The following TMCO1 variants were observed in gnomAD, a reference collection of about 807,000 sequenced individuals.
The protein encoded by TMCO1 is calcium load-activated calcium channel.
In TMCO1, 29 loss-of-function variants were observed where a neutral mutation model predicts 29.3. That is an observed-to-expected ratio of 0.99 (90% CI 0.74 to 1.35). TMCO1 has a LOEUF of 1.35. TMCO1 is among the 40% of genes most tolerant of loss of function. The pLI is 0.00. For synonymous variants in TMCO1, 80 were observed against 77.1 expected (o/e 1.04, Z -0.20); for missense variants, 173 against 225.5 (o/e 0.77, Z 1.49).
chr1:165,732,477 TTCTCTCTCTC>T (rs143135718), intron 6 of TMCO1, among the ~76,000 whole-genome samples: 53 of 144,076 alleles, frequency 3.7e-4, no homozygotes, highest in East Asian at 1.4e-3. Context: ...AGCAAATGGT[TTCTCTCTCTC>T]TCTCTCTCTC....
At chr1:165,760,412 T>C (rs536008898) in intron 2 of TMCO1, among the ~76,000 whole-genome samples, 5 of 141,002 alleles carry the variant, frequency 3.5e-5, no homozygotes, top group Admixed American at 3.0e-4. Flanking sequence ...GTCTGGGCAA[T>C]AGAGCGAGAC....
intron 3 of TMCO1, among the ~76,000 whole-genome samples, chr1:165,756,717 C>T (rs893861563): frequency 5.3e-5 from 8 of 151,914 alleles, no homozygotes; most frequent in East Asian, 1.9e-4. Context: ...TTTGCTTCTC[C>T]GGAACACTGA....
chr1:165,746,512 G>T (rs928351495), intron 5 of TMCO1, among the ~76,000 whole-genome samples: 52 of 138,706 alleles, frequency 3.7e-4, no homozygotes, highest in Non-Finnish European at 1.4e-4. Flanking sequence ...TTATATTGAT[G>T]AACTGCAAAA....
At chr1:165,763,318 T>C (rs1400356914) in intron 2 of TMCO1, among the ~76,000 whole-genome samples, 3 of 152,228 alleles carry the variant, frequency 2.0e-5, no homozygotes, top group Admixed American at 1.3e-4. Context: ...AATATAATAG[T>C]TGTGCATTTG....
intron 2 of TMCO1, 124 bp from the exon 3 acceptor site, chr1:165,759,708 T>C (rs1322222588): frequency 5.1e-6 from 4 of 778,902 alleles, no homozygotes; most frequent in Admixed American, 2.3e-5. Context: ...CTGATTATGG[T>C]CATGATTAAG....
At chr1:165,724,985 T>C (rs1650793604), downstream of TMCO1, 2 of 382,724 alleles carry the variant, frequency 5.2e-6, no homozygotes, top group South Asian at 3.4e-5. Flanking sequence ...TTATTCTCTC[T>C]TTCTCTCTCT....
At chr1:165,724,466 G>A, downstream of TMCO1, 1 of 454,098 alleles carries the variant, frequency 2.2e-6, no homozygotes, top group Non-Finnish European at 4.4e-6. Context: ...AGAGGGCAGA[G>A]AGATGCTGAT....
At chr1:165,767,302 G>A (rs1182988240) in intron 2 of TMCO1, among the ~76,000 whole-genome samples, 1 of 152,160 alleles carries the variant, frequency 6.6e-6, no homozygotes, top group Admixed American at 6.5e-5. Context: ...AAAGAAGAGA[G>A]AAAACTAAAT....
chr1:165,729,014 G>A (rs1218942983), intron 6 of TMCO1, among the ~76,000 whole-genome samples: 2 of 148,242 alleles, frequency 1.3e-5, no homozygotes, highest in Non-Finnish European at 3.0e-5. Context: ...GGTGAGGCAT[G>A]AGAGTCCCTT....
chr1:165,739,286 C>A (rs2101795223), intron 6 of TMCO1, among the ~76,000 whole-genome samples: 1 of 152,246 alleles, frequency 6.6e-6, no homozygotes, highest in Admixed American at 6.5e-5. Flanking sequence ...CCGATCCGCA[C>A]TGAAAATGAG....
intron 3 of TMCO1, among the ~76,000 whole-genome samples, chr1:165,758,995 T>C (rs890124845): frequency 7.9e-5 from 12 of 152,238 alleles, no homozygotes; most frequent in Non-Finnish European, 1.8e-4. Flanking sequence ...ACAAATCATA[T>C]ACAATCCTTT....
chr1:165,763,400 A>AT, intron 2 of TMCO1, among the ~76,000 whole-genome samples: 1 of 152,334 alleles, frequency 6.6e-6, no homozygotes, highest in East Asian at 1.9e-4. Flanking sequence ...AACTAAACAC[A>AT]TAGCAAGCAA....
chr1:165,759,652 C>A, intron 2 of TMCO1, 68 bp from the exon 3 acceptor site: 2 of 1,321,478 alleles, frequency 1.5e-6, no homozygotes, highest in South Asian at 1.2e-5. Flanking sequence ...GATGCTTTAT[C>A]ACAGCTGAAC....
chr1:165,760,330 C>G (rs1273551916), intron 2 of TMCO1, among the ~76,000 whole-genome samples: 1 of 151,566 alleles, frequency 6.6e-6, no homozygotes, highest in African/African-American at 2.4e-5. Flanking sequence ...ACTTGGGAAG[C>G]TGAGGCAGGA....
chr1:165,766,502 T>A (rs1037094161), intron 2 of TMCO1, among the ~76,000 whole-genome samples: 2 of 152,152 alleles, frequency 1.3e-5, no homozygotes, highest in Non-Finnish European at 2.9e-5. Context: ...GAATGATCAG[T>A]AAGGGCTGGG....
At chr1:165,744,595 C>G (rs1415291388) in intron 5 of TMCO1, among the ~76,000 whole-genome samples, 2 of 151,926 alleles carry the variant, frequency 1.3e-5, no homozygotes, top group Admixed American at 6.6e-5. Context: ...AGTTCGAGAC[C>G]AGCTGACCAA....
At chr1:165,730,298 C>CTGCA (rs903289956) in intron 6 of TMCO1, among the ~76,000 whole-genome samples, 8 of 151,978 alleles carry the variant, frequency 5.3e-5, no homozygotes, top group Non-Finnish European at 1.2e-4. Context: ...GATCGCGCCA[C>CTGCA]TGCACTCCAG....
intron 6 of TMCO1, among the ~76,000 whole-genome samples, chr1:165,740,048 G>C (rs1651531970): frequency 6.6e-6 from 1 of 151,792 alleles, no homozygotes; most frequent in African/African-American, 2.4e-5. Flanking sequence ...GGAGGCGGAG[G>C]TTGCAGTGAG....
chr1:165,730,795 T>C (rs1651130334), intron 6 of TMCO1, among the ~76,000 whole-genome samples: 2 of 151,910 alleles, frequency 1.3e-5, no homozygotes, highest in South Asian at 4.2e-4. Context: ...GGTTTTGCCA[T>C]GTTGGCCACG....
Sources: gnomAD v4.1 joint callset for allele counts (sites outside exome capture counted in the v4.1 genomes callset) on GRCh38, gnomAD v4.1.1 for gene constraint, MANE v1.5 for transcripts, NCBI Gene and HGNC (gene_info 2026-07-23, HGNC 2026-07-21) for gene names.